Variants in OSBPL10 observed in about 807,000 individuals in gnomAD.
OSBPL10 encodes oxysterol-binding protein-related protein 10.
Under a neutral mutation model 81.7 loss-of-function variants are expected in OSBPL10, and 49 were observed. That is an observed-to-expected ratio of 0.60 (90% CI 0.48 to 0.76). OSBPL10 has a LOEUF of 0.76. Among genes scored for constraint, OSBPL10 ranks in the 30% least tolerant of loss-of-function variants. The pLI, the probability that OSBPL10 is intolerant of heterozygous loss-of-function variation, is 0.00. For synonymous variants in OSBPL10, 419 were observed against 383.6 expected (o/e 1.09, Z -1.08); for missense variants, 923 against 987.8 (o/e 0.93, Z 0.88).
At chr3:31,932,159 C>G (rs1697268357) in intron 1 of OSBPL10, among the ~76,000 whole-genome samples, 1 of 152,014 alleles carries the variant, frequency 6.6e-6, no homozygotes, top group Non-Finnish European at 1.5e-5. Context: ...GTCTCTCATT[C>G]AAGAAACTTG....
At chr3:31,977,229 A>C (rs1698718060) in intron 1 of OSBPL10, among the ~76,000 whole-genome samples, 1 of 151,078 alleles carries the variant, frequency 6.6e-6, no homozygotes, top group Admixed American at 6.6e-5. Flanking sequence ...CCCCTCTCTC[A>C]CCTCCACATC....
chr3:31,971,227 G>C (rs1274637149), intron 1 of OSBPL10, among the ~76,000 whole-genome samples: 1 of 141,172 alleles, frequency 7.1e-6, no homozygotes, highest in Non-Finnish European at 1.5e-5. Context: ...TGCAACCTCT[G>C]CCTTCTGGGT....
At chr3:31,687,047 C>G (rs1010643846) in intron 7 of OSBPL10, among the ~76,000 whole-genome samples, 3 of 152,156 alleles carry the variant, frequency 2.0e-5, no homozygotes, top group Non-Finnish European at 2.9e-5. Context: ...CTTAATGAAG[C>G]CAAATCAATG....
chr3:31,677,949 C>T (rs959116800), intron 8 of OSBPL10, among the ~76,000 whole-genome samples: 2 of 150,936 alleles, frequency 1.3e-5, no homozygotes, highest in Admixed American at 6.6e-5. Flanking sequence ...GGCGCGGTGG[C>T]GGGCGCCTGT....
At chr3:31,882,693 G>GA (rs1414111748) in intron 1 of OSBPL10, among the ~76,000 whole-genome samples, 1 of 152,080 alleles carries the variant, frequency 6.6e-6, no homozygotes, top group East Asian at 1.9e-4. Flanking sequence ...ACACGCACTG[G>GA]AATGGAGACA....
chr3:31,829,756 G>C (rs9310981), intron 4 of OSBPL10, among the ~76,000 whole-genome samples: 1 of 152,186 alleles, frequency 6.6e-6, no homozygotes, highest in South Asian at 2.1e-4. Flanking sequence ...TGCTATGAGC[G>C]TGGATTTAAC....
In OSBPL10 at chr3:32,039,043, G is replaced by A. The variant is rs554179010; in HGVS notation, n.298+7448C>T. Among the ~76,000 whole-genome samples the A allele has an allele frequency of 2.0e-5, 3 of 152,142 alleles. No homozygotes were observed. The South Asian group carries it at 6.2e-4, about 32-fold the overall frequency. On this transcript the variant is annotated intron_variant and non_coding_transcript_variant, in intron 2 of 3. Coordinates refer to the OSBPL10 transcript ENST00000479173. ...AGCTATTAAAAAGTTTATAAAGAGG[G>A]TCAGGGCATGGTGGCTCATGCCTGT...
intron 1 of OSBPL10, among the ~76,000 whole-genome samples, chr3:31,971,918 C>T (rs371255825): frequency 6.6e-6 from 1 of 152,180 alleles, no homozygotes; most frequent in South Asian, 2.1e-4. Flanking sequence ...CTGTCAGCTC[C>T]TTAAGGTAGG....
chr3:31,774,353 G>A (rs1325224420), intron 4 of OSBPL10, among the ~76,000 whole-genome samples: 1 of 152,160 alleles, frequency 6.6e-6, no homozygotes. Flanking sequence ...CTTTAGAGGA[G>A]TAAGATGGGA....
At chr3:32,035,601 A>G (rs1224555319) in intron 2 of OSBPL10, among the ~76,000 whole-genome samples, 1 of 151,120 alleles carries the variant, frequency 6.6e-6, no homozygotes, top group Non-Finnish European at 1.5e-5. Context: ...ATGTTAATTC[A>G]TAAAATAGGA....
chr3:31,959,058 G>T (rs1698085743), intron 1 of OSBPL10, among the ~76,000 whole-genome samples: 1 of 152,162 alleles, frequency 6.6e-6, no homozygotes, highest in African/African-American at 2.4e-5. Context: ...ATCCAAAGTA[G>T]CAGTTCAAGA....
At chr3:31,758,603 C>T (rs1004996078) in intron 4 of OSBPL10, among the ~76,000 whole-genome samples, 10 of 152,180 alleles carry the variant, frequency 6.6e-5, no homozygotes, top group Admixed American at 3.3e-4. Context: ...CCACTGACCA[C>T]GAGAGTGGTT....
intron 3 of OSBPL10, among the ~76,000 whole-genome samples, chr3:31,846,168 A>G (rs1019946857): frequency 1.3e-5 from 2 of 152,114 alleles, no homozygotes; most frequent in South Asian, 2.1e-4. Flanking sequence ...ATGTCCCACC[A>G]CACTACGCTA....
intron 1 of OSBPL10, among the ~76,000 whole-genome samples, chr3:32,049,855 C>T (rs1302980819): frequency 6.6e-6 from 1 of 152,192 alleles, no homozygotes; most frequent in Non-Finnish European, 1.5e-5. Context: ...AGTGTTAGTG[C>T]AATGGGTAGG....
At chr3:31,988,272 C>T (rs1215421111) in intron 2 of OSBPL10, among the ~76,000 whole-genome samples, 5 of 152,166 alleles carry the variant, frequency 3.3e-5, no homozygotes, top group Non-Finnish European at 7.3e-5. Context: ...AACTTACTAA[C>T]CTGAGGAGCC....
In OSBPL10 at chr3:31,942,534, C is replaced by CAAAAA. The variant is rs34915200; in HGVS notation, c.281+38360_281+38364dup. Among the ~76,000 whole-genome samples, 33 of 79,732 alleles carry CAAAAA rather than the reference C, an allele frequency of 4.1e-4. 1 individual carries two copies. Among genetic ancestry groups the CAAAAA allele is most frequent in the African/African-American group, 1.6e-3 (32 of 20,284 alleles). 52.3% of individuals were successfully genotyped at this position (79,732 alleles called of 152,430 possible). On this transcript the variant is annotated intron_variant, in intron 1 of 11. Transcript: ENST00000396556. ...TGGGCGACAGGGTGAGACTCCATCT[C>CAAAAA]AAAAAAAAAAAAAAAAAAAAAGTGA... is the stretch of plus-strand genomic sequence containing the variant.
At chr3:31,892,444 T>C (rs1397506592) in intron 1 of OSBPL10, among the ~76,000 whole-genome samples, 2 of 151,768 alleles carry the variant, frequency 1.3e-5, no homozygotes, top group East Asian at 1.9e-4. Flanking sequence ...AGAAGCCAGG[T>C]GGGAGCAGAG....
chr3:31,988,146 A>G (rs1364128207), intron 2 of OSBPL10, among the ~76,000 whole-genome samples: 1 of 152,204 alleles, frequency 6.6e-6, no homozygotes, highest in Admixed American at 6.5e-5. Context: ...CTCTTTGAAC[A>G]AGAATATCTG....
chr3:31,875,100 AAG>A (rs1464604858), intron 3 of OSBPL10, among the ~76,000 whole-genome samples: 2 of 151,194 alleles, frequency 1.3e-5, no homozygotes, highest in East Asian at 1.9e-4. Context: ...AAAAAAAAAA[AAG>A]GAGAAAACAG....
Sources: allele counts gnomAD v4.1 joint callset (sites outside exome capture counted in the v4.1 genomes callset), GRCh38; gene constraint gnomAD v4.1.1; transcripts MANE v1.5; gene names NCBI Gene and HGNC (gene_info 2026-07-23, HGNC 2026-07-21).